The following MYO9A variants were observed in gnomAD, a reference collection of about 807,000 sequenced individuals.
MYO9A encodes myosin IXA, also known as unconventional myosin-IXa.
MYO9A carries 103 observed loss-of-function variants against 293.3 expected under a neutral mutation model. The observed-to-expected ratio is 0.35, with a 90% CI of 0.30 to 0.41. The LOEUF (loss-of-function observed/expected upper bound fraction) is 0.41, where lower values mean the gene tolerates loss of function less well. Among genes scored for constraint, MYO9A ranks in the 10% least tolerant of loss-of-function variants. The pLI is 1.00. For synonymous variants in MYO9A, 1,001 were observed against 1,035.7 expected (o/e 0.97, Z 0.64); for missense variants, 2,685 against 3,033.0 (o/e 0.89, Z 2.69).
At chr15:71,928,056 A>AATTTT (rs2058371550) in intron 18 of MYO9A, among the ~76,000 whole-genome samples, 2 of 6,040 alleles carry the variant, frequency 3.3e-4, no homozygotes, top group Non-Finnish European at 5.8e-4. Context: ...ATATATATAT[A>AATTTT]TTTTTTTTTT....
At chr15:71,852,326 T>A in intron 35 of MYO9A, 66 bp from the exon 36 acceptor site, 2 of 1,439,862 alleles carry the variant, frequency 1.4e-6, no homozygotes, top group Non-Finnish European at 1.9e-6. Flanking sequence ...TAATTCACTT[T>A]AGAAACTATC....
At chr15:72,083,048 G>A (rs2079601514) in intron 1 of MYO9A, among the ~76,000 whole-genome samples, 1 of 151,952 alleles carries the variant, frequency 6.6e-6, no homozygotes. Flanking sequence ...ATGAGTTAAG[G>A]AGGGGTCCCT....
chr15:71,869,359 T>C (rs1383568693), intron 32 of MYO9A, among the ~76,000 whole-genome samples: 2 of 152,096 alleles, frequency 1.3e-5, no homozygotes, highest in African/African-American at 4.8e-5. Flanking sequence ...CAAAAATGTG[T>C]AATCTGAATC....
intron 1 of MYO9A, among the ~76,000 whole-genome samples, chr15:72,049,008 A>C (rs184281366): frequency 3.7e-4 from 56 of 152,340 alleles, no homozygotes; most frequent in Non-Finnish European, 6.0e-4. Flanking sequence ...TATGTAATTT[A>C]ATATTTTTCA....
intron 39 of MYO9A, among the ~76,000 whole-genome samples, chr15:71,844,473 A>G (rs1397508569): frequency 6.6e-6 from 1 of 152,210 alleles, no homozygotes; most frequent in Non-Finnish European, 1.5e-5. Flanking sequence ...TGTAACAAAA[A>G]TATTGAGAGT....
intron 1 of MYO9A, among the ~76,000 whole-genome samples, chr15:72,088,336 T>C (rs975414529): frequency 6.6e-6 from 1 of 152,214 alleles, no homozygotes; most frequent in African/African-American, 2.4e-5. Context: ...GCCCAAAAAG[T>C]GCAATGCCCT....
In MYO9A at chr15:71,879,682, G is replaced by T. The variant is rs747081777; in HGVS notation, c.5739+39C>A. On this transcript the variant is annotated intron_variant, in intron 30 of 41. Transcript: ENST00000356056. ...TACAGCGCTATCAAATTTTTCATAT[G>T]TTGAACTACTAAATATCTCCTAACA... 3.5e-6 allele frequency: 5 copies of T among 1,447,962 alleles called. No individual in the cohort carries two copies. In the Admixed American group the frequency reaches 5.2e-5, roughly 15 times the overall value. The allele number at this position is 1,447,962 out of a possible 1,614,324, so 89.7% of individuals were successfully genotyped here. A position where few individuals can be genotyped will look rare whatever the true frequency, so the allele number is the denominator to read the frequency against.
intron 1 of MYO9A, among the ~76,000 whole-genome samples, chr15:72,047,426 T>C (rs1023408577): frequency 6.6e-6 from 1 of 152,344 alleles, no homozygotes; most frequent in Non-Finnish European, 1.5e-5. Flanking sequence ...TTTCTTCCCA[T>C]CTTCTCGAAC....
At chr15:71,835,949 T>C (rs763262280) in intron 39 of MYO9A, among the ~76,000 whole-genome samples, 5 of 151,956 alleles carry the variant, frequency 3.3e-5, no homozygotes, top group Non-Finnish European at 7.4e-5. Flanking sequence ...TCCCAATTTA[T>C]AATAAAAGGG....
chr15:71,861,587 A>G (rs2056125591), intron 33 of MYO9A, among the ~76,000 whole-genome samples: 1 of 147,998 alleles, frequency 6.8e-6, no homozygotes. Context: ...TTATCCATCC[A>G]TCCATCCATC....
At chr15:71,966,088 G>C (rs776537432) in intron 13 of MYO9A, among the ~76,000 whole-genome samples, 9 of 151,760 alleles carry the variant, frequency 5.9e-5, no homozygotes, top group Non-Finnish European at 1.3e-4. Flanking sequence ...CGTTGACCAG[G>C]CTAGTCTCAG....
intron 16 of MYO9A, among the ~76,000 whole-genome samples, chr15:71,935,719 C>T (rs113332431): frequency 3.5e-4 from 54 of 152,168 alleles, no homozygotes; most frequent in African/African-American, 1.2e-3. Context: ...TGTAGATGAG[C>T]ATATCATGTA....
chr15:71,902,814 G>C (rs529680106), intron 22 of MYO9A, 127 bp downstream of exon 22: 69 of 695,520 alleles, frequency 9.9e-5, no homozygotes, highest in Non-Finnish European at 1.4e-4. Flanking sequence ...ATAAAAACCT[G>C]GGCCTAACCA....
At chr15:71,940,974 A>T (rs1193328739) in intron 15 of MYO9A, among the ~76,000 whole-genome samples, 1 of 152,036 alleles carries the variant, frequency 6.6e-6, no homozygotes, top group African/African-American at 2.4e-5. Flanking sequence ...GGGGAGGAGG[A>T]GTAAATTTCT....
At chr15:71,952,277 C>A (rs2059069701) in intron 14 of MYO9A, among the ~76,000 whole-genome samples, 1 of 152,002 alleles carries the variant, frequency 6.6e-6, no homozygotes, top group Non-Finnish European at 1.5e-5. Context: ...CTGATGGAAC[C>A]CCAAAGAGAA....
At chr15:72,103,368 A>G (rs2080441948) in intron 1 of MYO9A, among the ~76,000 whole-genome samples, 1 of 150,786 alleles carries the variant, frequency 6.6e-6, no homozygotes, top group Non-Finnish European at 1.5e-5. Context: ...CAGAAGCAGC[A>G]GCAGAAGCAG....
At chr15:72,072,064 G>A (rs1332812054) in intron 1 of MYO9A, among the ~76,000 whole-genome samples, 2 of 133,446 alleles carry the variant, frequency 1.5e-5, no homozygotes, top group Non-Finnish European at 3.1e-5. Context: ...CAGAGTGAGA[G>A]CCCATGTCAA....
intron 10 of MYO9A, among the ~76,000 whole-genome samples, chr15:71,992,196 C>G (rs995009949): frequency 6.6e-6 from 1 of 152,056 alleles, no homozygotes; most frequent in Non-Finnish European, 1.5e-5. Flanking sequence ...TAAAGTCAAC[C>G]ACATTCAAAT....
intron 11 of MYO9A, among the ~76,000 whole-genome samples, chr15:71,981,642 T>C (rs1048785472): frequency 1.5e-5 from 1 of 65,570 alleles, no homozygotes; most frequent in African/African-American, 5.7e-5. Context: ...CTCTGTCTTG[T>C]CTCTCTCTCT....
Sources: allele counts gnomAD v4.1 joint callset (sites outside exome capture counted in the v4.1 genomes callset), GRCh38; gene constraint gnomAD v4.1.1; transcripts MANE v1.5; gene names NCBI Gene and HGNC (gene_info 2026-07-23, HGNC 2026-07-21).